Variants in PCDH15 observed in about 807,000 individuals in gnomAD.
PCDH15 encodes protocadherin related 15.
In PCDH15, 129 loss-of-function variants were observed where a neutral mutation model predicts 178.5. That is an observed-to-expected ratio of 0.72 (90% CI 0.63 to 0.84). PCDH15 has a LOEUF of 0.84. PCDH15 is among the 40% of genes least tolerant of loss of function. The pLI, the probability that PCDH15 is intolerant of heterozygous loss-of-function variation, is 0.00. For synonymous variants in PCDH15, 800 were observed against 732.0 expected, an observed-to-expected ratio of 1.09 and a Z score of -1.50; for missense variants, 2,230 against 2,099.9, an observed-to-expected ratio of 1.06 and a Z score of -1.21.
chr10:54,129,765 C>G (rs1271991676), intron 15 of PCDH15, among the ~76,000 whole-genome samples: 1 of 151,990 alleles, frequency 6.6e-6, no homozygotes, highest in Non-Finnish European at 1.5e-5. Context: ...CTTATGGAAC[C>G]CTTTGTATAC....
intron 1 of PCDH15, among the ~76,000 whole-genome samples, chr10:54,688,483 A>G (rs1565945994): frequency 6.6e-6 from 1 of 152,140 alleles, no homozygotes; most frequent in Non-Finnish European, 1.5e-5. Context: ...TATAAACAAT[A>G]AATTTCCGAA....
intron 5 of PCDH15, among the ~76,000 whole-genome samples, chr10:54,358,377 A>T (rs1216826726): frequency 6.6e-6 from 1 of 152,070 alleles, no homozygotes; most frequent in East Asian, 1.9e-4. Context: ...TTCTCAAAAG[A>T]AGACATTTAT....
intron 2 of PCDH15, among the ~76,000 whole-genome samples, chr10:55,452,645 A>G (rs1053180237): frequency 5.9e-5 from 9 of 152,166 alleles, no homozygotes; most frequent in African/African-American, 2.2e-4. Context: ...ATGTTTTCTT[A>G]GTAAACCTCT....
At chr10:54,753,870 G>T (rs141355529) in intron 1 of PCDH15, among the ~76,000 whole-genome samples, 20 of 57,988 alleles carry the variant, frequency 3.4e-4, no homozygotes, top group African/African-American at 7.1e-4. Flanking sequence ...TTTTTTTTTT[G>T]TTGTTGTTTT....
At position 54,715,762 on chromosome 10, in the gene PCDH15, A is replaced by C. The variant is rs2095473063; in HGVS notation, c.-28-51472T>G. On this transcript the variant is annotated intron_variant, in intron 1 of 37. Transcript: ENST00000644397. ...AGTCATTTGGCACACACACGTCCAC[A>C]GATTAGTAGTTTGAGCCATTCATCC... Among the ~76,000 whole-genome samples the C allele has an allele frequency of 2.0e-5, 3 of 152,048 alleles. No individual in the cohort carries two copies. In the South Asian group the frequency reaches 6.2e-4, roughly 31 times the overall value.
At chr10:54,754,342 T>C (rs1946772359) in intron 1 of PCDH15, among the ~76,000 whole-genome samples, 1 of 152,156 alleles carries the variant, frequency 6.6e-6, no homozygotes, top group African/African-American at 2.4e-5. Flanking sequence ...TGGTCAATTC[T>C]CTTTGGCAAA....
intron 2 of PCDH15, among the ~76,000 whole-genome samples, chr10:55,362,913 G>C (rs1490352701): frequency 1.3e-5 from 2 of 152,146 alleles, no homozygotes; most frequent in African/African-American, 4.8e-5. Context: ...AAGAAGAATT[G>C]TCTTGGGCCA....
At chr10:54,153,848 C>T (rs1445669536) in intron 13 of PCDH15, among the ~76,000 whole-genome samples, 2 of 151,894 alleles carry the variant, frequency 1.3e-5, no homozygotes, top group Non-Finnish European at 2.9e-5. Context: ...AACTTGCACA[C>T]CCTGATTTAT....
At chr10:54,295,382 C>G (rs2059686348) in intron 8 of PCDH15, among the ~76,000 whole-genome samples, 1 of 152,196 alleles carries the variant, frequency 6.6e-6, no homozygotes, top group African/African-American at 2.4e-5. Context: ...GGAATAAAAG[C>G]TGGCCACCAG....
intron 2 of PCDH15, among the ~76,000 whole-genome samples, chr10:55,058,663 A>T (rs1222592503): frequency 1.3e-5 from 2 of 152,180 alleles, no homozygotes; most frequent in Non-Finnish European, 2.9e-5. Flanking sequence ...ATGTATGTAT[A>T]TACATTTCAA....
At chr10:54,186,113 A>G (rs1355070013) in intron 11 of PCDH15, among the ~76,000 whole-genome samples, 2 of 152,176 alleles carry the variant, frequency 1.3e-5, no homozygotes, top group East Asian at 3.9e-4. Flanking sequence ...AGTAGGAAAG[A>G]AAGGCAGGTG....
At chr10:54,978,374 G>A (rs1427929451) in intron 2 of PCDH15, among the ~76,000 whole-genome samples, 4 of 152,042 alleles carry the variant, frequency 2.6e-5, no homozygotes, top group African/African-American at 7.2e-5. Context: ...CATGTTATAC[G>A]ACTACTTTGA....
chr10:54,170,883 T>C (rs551124540), intron 13 of PCDH15, among the ~76,000 whole-genome samples: 6,159 of 152,010 alleles, frequency 0.041, 421 homozygotes, highest in African/African-American at 0.14. Context: ...TTCTCAGTGT[T>C]CCATCTGCTA....
chr10:55,083,405 A>G (rs1842091448), intron 2 of PCDH15, among the ~76,000 whole-genome samples: 1 of 151,926 alleles, frequency 6.6e-6, no homozygotes, highest in South Asian at 2.1e-4. Flanking sequence ...GAAAGAATGT[A>G]CCTCAATACA....
At chr10:55,549,841 C>T (rs983752370) in intron 2 of PCDH15, among the ~76,000 whole-genome samples, 7 of 152,072 alleles carry the variant, frequency 4.6e-5, no homozygotes, top group Admixed American at 4.6e-4. Context: ...CTATCATTGT[C>T]AATTGGTACG....
chr10:54,894,061 G>A (rs1442322071), intron 3 of PCDH15, among the ~76,000 whole-genome samples: 1 of 152,048 alleles, frequency 6.6e-6, no homozygotes, highest in African/African-American at 2.4e-5. Context: ...CTTTTGCTAA[G>A]CAGGTACATA....
intron 2 of PCDH15, among the ~76,000 whole-genome samples, chr10:54,975,094 A>C (rs1303024100): frequency 6.6e-6 from 1 of 152,176 alleles, no homozygotes; most frequent in Non-Finnish European, 1.5e-5. Flanking sequence ...CACTTTCTAC[A>C]TGCTGAGCTT....
intron 1 of PCDH15, among the ~76,000 whole-genome samples, chr10:55,257,817 G>C (rs1842041584): frequency 6.6e-6 from 1 of 152,104 alleles, no homozygotes; most frequent in South Asian, 2.1e-4. Context: ...TTATCCAGGA[G>C]AACTTCCCCA....
chr10:54,690,305 A>T (rs1008862108), intron 1 of PCDH15, among the ~76,000 whole-genome samples: 1 of 142,636 alleles, frequency 7.0e-6, no homozygotes, highest in African/African-American at 2.6e-5. Flanking sequence ...TATTTACAAG[A>T]CTACCTTTTT....
Sources: gnomAD v4.1 joint callset for allele counts (sites outside exome capture counted in the v4.1 genomes callset) on GRCh38, gnomAD v4.1.1 for gene constraint, MANE v1.5 for transcripts, NCBI Gene and HGNC (gene_info 2026-07-23, HGNC 2026-07-21) for gene names.